Variants in GRIN2A observed in about 807,000 individuals in gnomAD.
GRIN2A encodes glutamate ionotropic receptor NMDA type subunit 2A, also known as glutamate receptor ionotropic, NMDA 2A.
GRIN2A carries 22 observed loss-of-function variants against 113.4 expected under a neutral mutation model. That is an observed-to-expected ratio of 0.19 (90% CI 0.14 to 0.28). The LOEUF (loss-of-function observed/expected upper bound fraction) is 0.28, where lower values mean the gene tolerates loss of function less well. GRIN2A is among the 10% of genes least tolerant of loss of function. The probability of loss-of-function intolerance (pLI) is 1.00; values close to 1 mark genes in which losing one functional copy is unlikely to be tolerated. For missense variants in GRIN2A, 1,502 were observed against 1,887.0 expected (o/e 0.80, Z 3.78); for synonymous variants, 827 against 738.4 (o/e 1.12, Z -1.94).
intron 2 of GRIN2A, among the ~76,000 whole-genome samples, chr16:9,993,070 A>C (rs575477967): frequency 6.0e-4 from 91 of 150,422 alleles, no homozygotes; most frequent in Middle Eastern, 3.4e-3. Context: ...ACAAAAAAAA[A>C]CCCCAAAAAA....
chr16:10,138,887 G>T (rs1201890206), intron 2 of GRIN2A, among the ~76,000 whole-genome samples: 2 of 152,110 alleles, frequency 1.3e-5, no homozygotes, highest in African/African-American at 4.8e-5. Flanking sequence ...ATAGTTTATT[G>T]AATGATGAGT....
chr16:9,999,552 T>G (rs960643313), intron 2 of GRIN2A, among the ~76,000 whole-genome samples: 1 of 151,596 alleles, frequency 6.6e-6, no homozygotes, highest in African/African-American at 2.4e-5. Context: ...TTAGAACACA[T>G]GGACACAGAA....
At chr16:10,126,194 G>A (rs1048607740) in intron 2 of GRIN2A, among the ~76,000 whole-genome samples, 21 of 149,438 alleles carry the variant, frequency 1.4e-4, no homozygotes, top group East Asian at 5.9e-4. Flanking sequence ...ATAGGATCTC[G>A]CTCTGTCGCC....
At chr16:9,961,528 T>C (rs548187629) in intron 2 of GRIN2A, among the ~76,000 whole-genome samples, 25 of 152,220 alleles carry the variant, frequency 1.6e-4, no homozygotes, top group Non-Finnish European at 1.5e-4. Context: ...TCTATGATGA[T>C]TGAATTCAGA....
chr16:10,022,732 T>G (rs549737927), intron 2 of GRIN2A, among the ~76,000 whole-genome samples: 1 of 152,150 alleles, frequency 6.6e-6, no homozygotes, highest in Non-Finnish European at 1.5e-5. Flanking sequence ...TTGGAACTGT[T>G]TTTCCATAAA....
At chr16:9,795,677 C>T (rs1305820850) in intron 11 of GRIN2A, among the ~76,000 whole-genome samples, 1 of 152,162 alleles carries the variant, frequency 6.6e-6, no homozygotes, top group Non-Finnish European at 1.5e-5. Context: ...AAGCTATGCA[C>T]TTTACATGTA....
At chr16:9,937,776 T>C (rs2044746938) in intron 3 of GRIN2A, 183 bp downstream of exon 3, 2 of 614,690 alleles carry the variant, frequency 3.3e-6, no homozygotes, top group Non-Finnish European at 5.8e-6. Context: ...CAAAGTCTAA[T>C]GTGACTTTTC....
Position 9,758,398 on chromosome 16 carries a change from G to A in GRIN2A, c.*4751C>T, listed in dbSNP as rs1182912377. 1.4e-5 allele frequency: 3 copies of A among 222,110 alleles called. No homozygotes were observed. The highest frequency in any genetic ancestry group is 2.2e-5 in the African/African-American group (1 of 44,682). The allele number at this position is 222,110 out of a possible 1,614,324, so 13.8% of individuals were successfully genotyped here. A position where few individuals can be genotyped will look rare whatever the true frequency, so the allele number is the denominator to read the frequency against. ...GTTTTTTAAAGAAGGGGCCAAGAAC[G>A]CCAACACCCATATTCTACTTAGGCT... is the stretch of plus-strand genomic sequence containing the variant. On this transcript the variant is annotated 3_prime_UTR_variant, in exon 13 of 13. Transcript: ENST00000330684.
intron 2 of GRIN2A, among the ~76,000 whole-genome samples, chr16:9,947,297 G>A (rs1243045615): frequency 6.6e-6 from 1 of 152,056 alleles, no homozygotes; most frequent in Non-Finnish European, 1.5e-5. Flanking sequence ...CAAAGACTCT[G>A]ACAGCCACAA....
At chr16:9,987,754 G>C (rs545132515) in intron 2 of GRIN2A, among the ~76,000 whole-genome samples, 1 of 152,250 alleles carries the variant, frequency 6.6e-6, no homozygotes, top group South Asian at 2.1e-4. Context: ...ATAGTTTTAG[G>C]AGGATCTAGG....
At chr16:10,045,679 A>G (rs1045392520) in intron 2 of GRIN2A, among the ~76,000 whole-genome samples, 1 of 152,238 alleles carries the variant, frequency 6.6e-6, no homozygotes, top group African/African-American at 2.4e-5. Context: ...TTTGCAGAAA[A>G]GAGCTGTATT....
intron 10 of GRIN2A, among the ~76,000 whole-genome samples, chr16:9,811,008 A>C (rs896312789): frequency 6.6e-6 from 1 of 152,150 alleles, no homozygotes; most frequent in Non-Finnish European, 1.5e-5. Context: ...AGTGCCAGGA[A>C]AACTCACTTC....
intron 2 of GRIN2A, among the ~76,000 whole-genome samples, chr16:9,955,613 G>C (rs1004727022): frequency 2.0e-5 from 3 of 152,224 alleles, no homozygotes; most frequent in Non-Finnish European, 4.4e-5. Flanking sequence ...TTTCATGAAT[G>C]TATGTGTCCA....
intron 2 of GRIN2A, among the ~76,000 whole-genome samples, chr16:10,161,506 A>G (rs771501242): frequency 1.3e-5 from 2 of 152,234 alleles, no homozygotes; most frequent in Non-Finnish European, 2.9e-5. Context: ...ATTATGAGGT[A>G]GGAACCAAAA....
chr16:10,083,189 C>T (rs930909203), intron 2 of GRIN2A, among the ~76,000 whole-genome samples: 1 of 152,254 alleles, frequency 6.6e-6, no homozygotes, highest in African/African-American at 2.4e-5. Flanking sequence ...GCAGAAGCTA[C>T]AGTAGAGACA....
chr16:9,790,934 C>G (rs1371831445), intron 11 of GRIN2A, among the ~76,000 whole-genome samples: 1 of 152,194 alleles, frequency 6.6e-6, no homozygotes, highest in Non-Finnish European at 1.5e-5. Flanking sequence ...ATCTATAATG[C>G]AGTGCACTCA....
intron 9 of GRIN2A, among the ~76,000 whole-genome samples, chr16:9,824,779 C>T (rs1164484428): frequency 6.6e-6 from 1 of 152,030 alleles, no homozygotes. Context: ...TGAGGTTATC[C>T]ATTATGTTCT....
chr16:9,834,281 C>G, intron 7 of GRIN2A, 51 bp from the exon 8 acceptor site: 1 of 1,591,406 alleles, frequency 6.3e-7, no homozygotes, highest in Non-Finnish European at 8.6e-7. Context: ...ATCTCTTCCT[C>G]ACTTCCAGCA....
intron 2 of GRIN2A, among the ~76,000 whole-genome samples, chr16:10,134,372 C>T (rs945826501): frequency 2.6e-5 from 4 of 151,248 alleles, no homozygotes; most frequent in East Asian, 1.9e-4. Context: ...GAGTTTTAAC[C>T]GTCATTTCCT....
Sources: gnomAD v4.1 joint callset for allele counts (sites outside exome capture counted in the v4.1 genomes callset) on GRCh38, gnomAD v4.1.1 for gene constraint, MANE v1.5 for transcripts, NCBI Gene and HGNC (gene_info 2026-07-23, HGNC 2026-07-21) for gene names.